Variants in MAOA observed in about 807,000 individuals in gnomAD.
The protein encoded by MAOA is amine oxidase [flavin-containing] A.
A neutral mutation model predicts 42.0 loss-of-function variants in MAOA; 6 were observed. That is an observed-to-expected ratio of 0.14 (90% CI 0.08 to 0.28). The LOEUF is 0.28. Among genes scored for constraint, MAOA ranks in the 10% least tolerant of loss-of-function variants. The pLI is 1.00. For missense variants in MAOA, 262 were observed against 422.3 expected, an observed-to-expected ratio of 0.62 and a Z score of 3.33; for synonymous variants, 140 against 154.0, an observed-to-expected ratio of 0.91 and a Z score of 0.67.
intron 2 of MAOA, among the ~76,000 whole-genome samples, chrX:43,688,931 T>G (rs2033510544): frequency 8.9e-6 from 1 of 112,187 alleles, no homozygotes; most frequent in Admixed American, 9.5e-5. Flanking sequence ...TGAGATTTAT[T>G]TTGTTTAAGG....
At chrX:43,676,699 G>C (rs1340359762) in intron 1 of MAOA, among the ~76,000 whole-genome samples, 2 of 111,577 alleles carry the variant, frequency 1.8e-5, no homozygotes, top group African/African-American at 6.5e-5. Flanking sequence ...AGGCTCTGGA[G>C]ATACAGCAAT....
chrX:43,694,018 T>C (rs2033558682), intron 3 of MAOA, among the ~76,000 whole-genome samples: 1 of 111,818 alleles, frequency 8.9e-6, no homozygotes, highest in Non-Finnish European at 1.9e-5. Flanking sequence ...TTTCCTACTG[T>C]TTAAACAAGA....
intron 1 of MAOA, among the ~76,000 whole-genome samples, chrX:43,679,042 TC>T (rs2033422742): frequency 9.0e-6 from 1 of 111,625 alleles, no homozygotes; most frequent in African/African-American, 3.3e-5. Context: ...CCCTTCAAAT[TC>T]TAAGACCTTT....
intron 5 of MAOA, among the ~76,000 whole-genome samples, chrX:43,721,247 C>G: frequency 9.0e-6 from 1 of 111,179 alleles, no homozygotes; most frequent in Non-Finnish European, 1.9e-5. Flanking sequence ...AGGACAGGGA[C>G]AAGCTTTTGT....
chrX:43,670,958 G>C (rs2033327367), intron 1 of MAOA, among the ~76,000 whole-genome samples: 1 of 106,564 alleles, frequency 9.4e-6, no homozygotes, highest in Non-Finnish European at 1.9e-5. Context: ...TATATACCCA[G>C]TAATGGGATG....
At chrX:43,714,250 G>A (rs1183621461) in intron 5 of MAOA, among the ~76,000 whole-genome samples, 1 of 111,420 alleles carries the variant, frequency 9.0e-6, no homozygotes, top group African/African-American at 3.3e-5. Flanking sequence ...GGGACTGGAA[G>A]GGTGGATGGC....
At chrX:43,721,356 G>A (rs2033787075) in intron 5 of MAOA, among the ~76,000 whole-genome samples, 1 of 111,772 alleles carries the variant, frequency 8.9e-6, no homozygotes, top group Admixed American at 9.5e-5. Context: ...TATAAGGGGA[G>A]TTTGCAGGAC....
At chrX:43,727,583 A>AT (rs2033849404) in intron 5 of MAOA, among the ~76,000 whole-genome samples, 1 of 112,781 alleles carries the variant, frequency 8.9e-6, no homozygotes, top group African/African-American at 3.2e-5. Context: ...GCCAATGGAT[A>AT]TTAGCTTGCT....
chrX:43,744,455 C>T lies in MAOA; in HGVS notation c.1526C>T (p.Thr509Ile), dbSNP rs147298607. ...SGLLKIIGFS[T>I]SVTALGFVLY... is the part of the protein sequence containing the mutation. Reference sequence around the variant, plus strand: ...CTGCTGAAGATCATTGGATTTTCCACATCAGTAACTGCCCTGGGGTTTGTG... The same window carrying T: ...CTGCTGAAGATCATTGGATTTTCCATATCAGTAACTGCCCTGGGGTTTGTG... The change falls in exon 15 of 15, where the codon ACA (threonine) becomes ATA (isoleucine). Residue 509 changes from threonine (T) to isoleucine (I), a missense_variant. Transcript: ENST00000338702. The T allele has an allele frequency of 5.5e-5, 67 of 1,208,048 alleles. No homozygotes were observed. In the African/African-American group the frequency reaches 9.8e-4, roughly 18 times the overall value.
At chrX:43,656,093 C>A (rs916863368), upstream of MAOA, 5 of 419,166 alleles carry the variant, frequency 1.2e-5, no homozygotes, top group Non-Finnish European at 2.1e-5. Context: ...AGTGTCAGTA[C>A]AAGGGTCCGC....
At chrX:43,659,412 T>G (rs2033215095) in intron 1 of MAOA, among the ~76,000 whole-genome samples, 1 of 111,777 alleles carries the variant, frequency 8.9e-6, no homozygotes, top group Non-Finnish European at 1.9e-5. Flanking sequence ...ACTCCTTTCA[T>G]GTTTTCAGCG....
chrX:43,688,900 A>G (rs2033510219), intron 2 of MAOA, among the ~76,000 whole-genome samples: 1 of 111,917 alleles, frequency 8.9e-6, no homozygotes, highest in African/African-American at 3.2e-5. Flanking sequence ...TTTTAGCATT[A>G]TGTAGTGACA....
In MAOA at chrX:43,745,757, C is replaced by T. The variant is rs2033994980; in HGVS notation, c.*1244C>T. On this transcript the variant is annotated 3_prime_UTR_variant, in exon 15 of 15. Coordinates refer to ENST00000338702, the MANE Select transcript of MAOA (RefSeq NM_000240.4). ...CAAGGGTGCCCACCTCTTGTTTTCC[C>T]CTTTTAAAAACTCAGATTTTTAAAA... 1 of 111,447 alleles carries T rather than the reference C, an allele frequency of 9.0e-6. No individual in the cohort carries two copies. Among genetic ancestry groups the T allele is most frequent in the Non-Finnish European group, 1.9e-5 (1 of 53,087 alleles). The allele number at this position is 111,447 out of a possible 1,213,427, so 9.2% of individuals were successfully genotyped here. A position where few individuals can be genotyped will look rare whatever the true frequency, so the allele number is the denominator to read the frequency against.
At chrX:43,657,084 CTGTGTGTGTGTGTG>C (rs10560402) in intron 1 of MAOA, among the ~76,000 whole-genome samples, 1 of 71,243 alleles carries the variant, frequency 1.4e-5, no homozygotes, top group African/African-American at 5.7e-5. Context: ...TAAACTATTC[CTGTGTGTGTGTGTG>C]TGTGTGTGTG....
chrX:43,688,741 T>C (rs1350314814), intron 2 of MAOA, among the ~76,000 whole-genome samples: 1 of 112,055 alleles, frequency 8.9e-6, no homozygotes, highest in Non-Finnish European at 1.9e-5. Flanking sequence ...TCTTTTTTGT[T>C]TGCTTAATCT....
At chrX:43,660,437 C>T (rs1429580402) in intron 1 of MAOA, among the ~76,000 whole-genome samples, 5 of 111,017 alleles carry the variant, frequency 4.5e-5, no homozygotes, top group African/African-American at 1.6e-4. Flanking sequence ...TCCCAAACAC[C>T]TCCCTATCCC....
chrX:43,739,101 C>T (rs2033942457), intron 10 of MAOA, among the ~76,000 whole-genome samples: 1 of 111,850 alleles, frequency 8.9e-6, no homozygotes, highest in Admixed American at 9.5e-5. Flanking sequence ...CAAAATCAAA[C>T]AGATCTCTGC....
chrX:43,715,411 G>C (rs1422027056), intron 5 of MAOA, among the ~76,000 whole-genome samples: 1 of 111,001 alleles, frequency 9.0e-6, no homozygotes, highest in East Asian at 2.9e-4. Flanking sequence ...GGGAAGATGG[G>C]CTTGTTTGCA....
At chrX:43,741,402 C>T (rs1040976319) in intron 11 of MAOA, among the ~76,000 whole-genome samples, 2 of 111,926 alleles carry the variant, frequency 1.8e-5, no homozygotes, top group South Asian at 3.7e-4. Flanking sequence ...CTCATGTCCC[C>T]TAGGAAATAG....
Sources: allele counts gnomAD v4.1 joint callset (sites outside exome capture counted in the v4.1 genomes callset), GRCh38; gene constraint gnomAD v4.1.1; transcripts MANE v1.5; gene names NCBI Gene and HGNC (gene_info 2026-07-23, HGNC 2026-07-21).